POLR1C: variants seen among roughly 807,000 people sequenced by gnomAD.
POLR1C encodes the protein DNA-directed RNA polymerases I and III subunit RPAC1.
Under a neutral mutation model 38.3 loss-of-function variants are expected in POLR1C, and 42 were observed. That is an observed-to-expected ratio of 1.10 (90% CI 0.86 to 1.42). The LOEUF is 1.42. POLR1C is among the 40% of genes most tolerant of loss of function. The pLI, the probability that POLR1C is intolerant of heterozygous loss-of-function variation, is 0.00. For missense variants in POLR1C, 507 were observed against 450.5 expected, an observed-to-expected ratio of 1.13 and a Z score of -1.14; for synonymous variants, 163 against 163.9, an observed-to-expected ratio of 0.99 and a Z score of 0.04.
downstream of POLR1C, chr6:43,525,768 G>C: frequency 6.6e-7 from 1 of 1,514,510 alleles, no homozygotes; most frequent in Non-Finnish European, 9.0e-7. Flanking sequence ...TAGCACCATA[G>C]AGCAAGAAAA....
At chr6:43,559,296 CA>C (rs535637151) in intron 10 of POLR1C, among the ~76,000 whole-genome samples, 91 of 149,912 alleles carry the variant, frequency 6.1e-4, no homozygotes, top group Middle Eastern at 3.4e-3. Flanking sequence ...GACTCCGTCT[CA>C]AAAAAAAACA....
At chr6:43,554,788 T>C (rs1388473117) in intron 10 of POLR1C, among the ~76,000 whole-genome samples, 2 of 152,192 alleles carry the variant, frequency 1.3e-5, no homozygotes, top group African/African-American at 4.8e-5. Flanking sequence ...TTCATCTTAG[T>C]GCAACACATT....
In POLR1C at chr6:43,548,475, G is replaced by GA. The variant is rs1561875911; in HGVS notation, c.*5-2486dup. The stretch of plus-strand genomic sequence containing the variant: ...TCAAAATTGGGCTACAGATCAAAAA[G>GA]AAAAAAAGCCAGAGGTGGTAAAGGT... On this transcript the variant is annotated intron_variant, in intron 9 of 10. Coordinates refer to the POLR1C transcript ENST00000607635. 9 of 1,509,888 alleles carry GA rather than the reference G, an allele frequency of 6.0e-6. No individual in the cohort carries two copies. In the Admixed American group the frequency reaches 8.2e-5, roughly 14 times the overall value. The allele number at this position is 1,509,888 out of a possible 1,614,324, so 93.5% of individuals were successfully genotyped here. A position where few individuals can be genotyped will look rare whatever the true frequency, so the allele number is the denominator to read the frequency against.
At chr6:43,522,756 G>C (rs761744462), downstream of POLR1C, 1 of 488,550 alleles carries the variant, frequency 2.0e-6, no homozygotes. Flanking sequence ...TTTTTGTGCA[G>C]AGCACATGGA....
downstream of POLR1C, chr6:43,530,891 C>G: frequency 6.6e-7 from 1 of 1,516,442 alleles, no homozygotes; most frequent in Non-Finnish European, 8.8e-7. Context: ...AGCCCTGTCC[C>G]ATGAATTTCA....
chr6:43,525,400 A>G, downstream of POLR1C: 1 of 609,058 alleles, frequency 1.6e-6, no homozygotes, highest in Non-Finnish European at 2.9e-6. Context: ...AGCCTCCCGA[A>G]TAGCTGGGAC....
intron 10 of POLR1C, chr6:43,560,899 G>T (rs949220593): frequency 6.3e-7 from 1 of 1,590,664 alleles, no homozygotes; most frequent in Middle Eastern, 1.7e-4. Context: ...CTAAACTTTT[G>T]AGAAGTTACC....
At chr6:43,525,279 C>A, downstream of POLR1C, 1 of 1,428,274 alleles carries the variant, frequency 7.0e-7, no homozygotes. Context: ...ATGATTATTA[C>A]ACATCAGGAG....
At chr6:43,531,652 G>A (rs2127708427), downstream of POLR1C, 8 of 1,308,644 alleles carry the variant, frequency 6.1e-6, no homozygotes, top group South Asian at 9.5e-5. Flanking sequence ...ACAGCAGGAA[G>A]CTGTTGTTCA....
intron 8 of POLR1C, chr6:43,527,674 T>C (rs372434107): frequency 1.7e-5 from 27 of 1,613,862 alleles, no homozygotes; most frequent in South Asian, 1.1e-4. Context: ...TCCTCACCAG[T>C]TGCTCCTCCA....
intron 2 of POLR1C, among the ~76,000 whole-genome samples, chr6:43,518,342 G>A (rs1792953016): frequency 6.6e-6 from 1 of 152,192 alleles, no homozygotes; most frequent in South Asian, 2.1e-4. Flanking sequence ...TGTGGGGGTA[G>A]CATAAAATGA....
chr6:43,561,141 G>A, intron 10 of POLR1C: 1 of 701,166 alleles, frequency 1.4e-6, no homozygotes, highest in South Asian at 1.9e-5. Context: ...TTTCCTTTTG[G>A]CTAAAGAAAG....
At chr6:43,560,839 T>G in intron 10 of POLR1C, 24 of 1,118,152 alleles carry the variant, frequency 2.1e-5, no homozygotes, top group African/African-American at 3.1e-5. Flanking sequence ...ATTTTATACA[T>G]GATCTACAAT....
intron 9 of POLR1C, chr6:43,549,377 T>C: frequency 9.2e-7 from 1 of 1,082,076 alleles, no homozygotes; most frequent in Non-Finnish European, 1.3e-6. Flanking sequence ...GATGCTTATA[T>C]GATGCAAAGC....
intron 9 of POLR1C, among the ~76,000 whole-genome samples, chr6:43,543,469 G>A (rs113236464): frequency 2.2e-4 from 32 of 147,972 alleles, no homozygotes; most frequent in Admixed American, 7.3e-4. Context: ...AAGTAAGTAA[G>A]TAAATAAATA....
At chr6:43,542,175 A>C (rs1038564353) in intron 9 of POLR1C, among the ~76,000 whole-genome samples, 2 of 152,044 alleles carry the variant, frequency 1.3e-5, no homozygotes, top group East Asian at 3.8e-4. Context: ...TTTTTCTCTA[A>C]GGAGCTTTCC....
chr6:43,527,721 C>T (rs375072367), intron 8 of POLR1C: 3 of 1,613,872 alleles, frequency 1.9e-6, no homozygotes, highest in Admixed American at 3.3e-5. Flanking sequence ...TCTGCAGCCT[C>T]ATCTTCTCCA....
At chr6:43,562,212 G>C (rs775607745) in exon 11 of POLR1C, 1 of 1,546,602 alleles carries the variant, frequency 6.5e-7, no homozygotes, top group African/African-American at 1.4e-5. Context: ...TCCCAAATGG[G>C]CTTGAAGCTC....
chr6:43,551,560 T>C, intron 10 of POLR1C: 4 of 1,377,996 alleles, frequency 2.9e-6, no homozygotes, highest in Non-Finnish European at 4.0e-6. Context: ...TCTCATTCTG[T>C]CACCTAGGCT....
Sources: allele counts gnomAD v4.1 joint callset (sites outside exome capture counted in the v4.1 genomes callset), GRCh38; gene constraint gnomAD v4.1.1; transcripts MANE v1.5; gene names NCBI Gene and HGNC (gene_info 2026-07-23, HGNC 2026-07-21).